The following ACP6 variants were observed in gnomAD, a reference collection of about 807,000 sequenced individuals.
ACP6 encodes the protein acid phosphatase 6, lysophosphatidic.
A neutral mutation model predicts 48.1 loss-of-function variants in ACP6; 48 were observed. That is an observed-to-expected ratio of 1.00 (90% CI 0.79 to 1.27). The LOEUF (loss-of-function observed/expected upper bound fraction) is 1.27. Ranked by LOEUF, ACP6 falls within the 50% of genes most tolerant of loss-of-function variation. The pLI is 0.00. For synonymous variants in ACP6, 172 were observed against 204.2 expected (o/e 0.84, Z 1.34); for missense variants, 485 against 529.1 (o/e 0.92, Z 0.82).
chr1:147,652,718 T>G (rs1660003462), intron 6 of ACP6, 169 bp from the exon 7 acceptor site: 1 of 1,387,170 alleles, frequency 7.2e-7, no homozygotes, highest in Non-Finnish European at 9.9e-7. Flanking sequence ...TCTCTAAAGC[T>G]CTTCCAAAGC....
chr1:147,659,252 C>T, intron 3 of ACP6, 144 bp downstream of exon 3: 1 of 1,237,838 alleles, frequency 8.1e-7, no homozygotes, highest in Non-Finnish European at 1.1e-6. Context: ...TTCACCAGAT[C>T]CTGTGACATA....
At chr1:147,654,903 G>A (rs201275870) in intron 5 of ACP6, among the ~76,000 whole-genome samples, 1 of 152,186 alleles carries the variant, frequency 6.6e-6, no homozygotes, top group East Asian at 1.9e-4. Flanking sequence ...GCCCACTCGT[G>A]GCTGTATGTA....
intron 5 of ACP6, among the ~76,000 whole-genome samples, chr1:147,654,709 G>A (rs782247688): frequency 2.0e-5 from 3 of 152,176 alleles, no homozygotes; most frequent in Non-Finnish European, 2.9e-5. Context: ...AGCCCAAACC[G>A]ATCTATCTTA....
chr1:147,663,916 C>CA (rs1441295306), intron 1 of ACP6, among the ~76,000 whole-genome samples: 152,143 of 152,156 alleles, frequency 1, 76,065 homozygotes, highest in Middle Eastern at 1. Context: ...ACATTGATAA[C>CA]AAAAAAAATT....
At chr1:147,668,441 A>G (rs1204138833) in intron 1 of ACP6, among the ~76,000 whole-genome samples, 1 of 152,006 alleles carries the variant, frequency 6.6e-6, no homozygotes, top group East Asian at 1.9e-4. Context: ...TATATGGTAC[A>G]TACTAGGTCT....
chr1:147,648,156 C>T (rs1659722317), intron 9 of ACP6, 90 bp downstream of exon 9: 2 of 1,474,998 alleles, frequency 1.4e-6, no homozygotes, highest in South Asian at 1.2e-5. Context: ...CTCCACTGGG[C>T]CTGAGGAGGG....
At chr1:147,664,733 G>A (rs587624717) in intron 1 of ACP6, among the ~76,000 whole-genome samples, 209 of 152,244 alleles carry the variant, frequency 1.4e-3, no homozygotes, top group African/African-American at 4.6e-3. Context: ...GGGTGTTCAA[G>A]TTAGTAAAGA....
chr1:147,655,242 A>G lies in ACP6; in HGVS notation c.566T>C (p.Ile189Thr). The G allele has an allele frequency of 6.2e-7, 1 of 1,603,582 alleles. No individual in the cohort carries two copies. Among genetic ancestry groups the G allele is most frequent in the Non-Finnish European group, 8.5e-7 (1 of 1,174,316 alleles). ...ATCTGCTTCATCAGTGTGGATGATG[A>G]TGGGTCCTGGAAGAAAGGGAGGAAG... ...GLFQCQKEGP[I>T]IIHTDEADSE... Residue 189 changes from isoleucine (I) to threonine (T), a missense_variant, in exon 5 of 10, where the codon ATC becomes ACC. Coordinates refer to ENST00000583509, the MANE Select transcript of ACP6 (RefSeq NM_016361.5).
rs1660108301 is a variant in ACP6 at position 147,654,185 on chromosome 1, AG to A, written c.780+8del. ...CTATTATCCCAGGCTCCCCAACCCCAGGACTCACCTGCTCGGCAGCCACGTT... is the reference window on the plus strand; with the variant it reads ...CTATTATCCCAGGCTCCCCAACCCCAGACTCACCTGCTCGGCAGCCACGTT... On this transcript the variant is annotated splice_region_variant and intron_variant, in intron 6 of 9. Coordinates refer to ENST00000583509, the MANE Select transcript of ACP6 (RefSeq NM_016361.5). 5.6e-6 allele frequency: 9 copies of A among 1,613,728 alleles called. No individual in the cohort carries two copies. Among genetic ancestry groups the A allele is most frequent in the Non-Finnish European group, 7.6e-6 (9 of 1,179,878 alleles).
chr1:147,650,070 T>C (rs1381816822), intron 8 of ACP6, 73 bp downstream of exon 8: 1 of 1,329,358 alleles, frequency 7.5e-7, no homozygotes, highest in Non-Finnish European at 1.1e-6. Flanking sequence ...TCACTAAGAT[T>C]TGGGTTCCCT....
intron 5 of ACP6, among the ~76,000 whole-genome samples, chr1:147,633,820 A>G (rs1375823002): frequency 6.6e-6 from 1 of 152,030 alleles, no homozygotes; most frequent in Non-Finnish European, 1.5e-5. Flanking sequence ...CCTGGAGCTC[A>G]TAACTGAGGT....
chr1:147,644,250 T>C lies in ACP6; in HGVS notation c.*3173A>G, dbSNP rs1057224870. 9.2e-5 allele frequency: 14 copies of C among 152,224 alleles called. No homozygotes were observed. Among genetic ancestry groups the C allele is most frequent in the African/African-American group, 2.9e-4 (12 of 41,454 alleles). The allele number at this position is 152,224 out of a possible 1,614,324, so 9.4% of individuals were successfully genotyped here. Reference sequence around the variant, plus strand: ...TTAATCATTCCCTCATGCATACATATATCAAAACATCACATTGTACTCCAT... The same window carrying C: ...TTAATCATTCCCTCATGCATACATACATCAAAACATCACATTGTACTCCAT... On this transcript the variant is annotated 3_prime_UTR_variant, in exon 10 of 10. Transcript: ENST00000583509.
intron 1 of ACP6, among the ~76,000 whole-genome samples, chr1:147,663,454 C>CA (rs1312596775): frequency 2.0e-5 from 3 of 152,118 alleles, no homozygotes; most frequent in African/African-American, 7.2e-5. Context: ...CTTGCTAAGC[C>CA]AGTGTCATCA....
chr1:147,637,269 A>G (rs1659324129), downstream of ACP6, among the ~76,000 whole-genome samples: 1 of 152,172 alleles, frequency 6.6e-6, no homozygotes, highest in Non-Finnish European at 1.5e-5. Context: ...ACCCTCTACA[A>G]TACTTTGCCT....
intron 7 of ACP6, chr1:147,651,623 AG>A (rs1553210571): frequency 6.6e-6 from 1 of 152,182 alleles, no homozygotes. Context: ...GTGGCTTGGC[AG>A]GAACCTTCTA....
chr1:147,650,270 G>C, intron 7 of ACP6, 32 bp from the exon 8 acceptor site: 1 of 1,509,524 alleles, frequency 6.6e-7, no homozygotes, highest in Non-Finnish European at 9.0e-7. Flanking sequence ...TAAGCACCTA[G>C]AGGGCACTCA....
chr1:147,663,291 T>TG (rs587698803), intron 1 of ACP6, among the ~76,000 whole-genome samples: 126 of 11,350 alleles, frequency 0.011, no homozygotes, highest in African/African-American at 0.073. Context: ...TTATCAGAGG[T>TG]GGGGGGGTGC....
chr1:147,652,983 C>T (rs587655748), intron 6 of ACP6, among the ~76,000 whole-genome samples: 14 of 152,414 alleles, frequency 9.2e-5, no homozygotes, highest in East Asian at 5.8e-4. Flanking sequence ...CCCGCCACCA[C>T]GCCCGGCTAA....
Position 147,652,445 on chromosome 1 carries a change from TC to T in ACP6, c.881+3del. The stretch of plus-strand genomic sequence containing the variant: ...ACTTCATGCCAGCAGTGAGAGCCCC[TC>T]ACCTGTCTTCCTTGGGCAGTATGTA... On this transcript the variant is annotated splice_donor_region_variant and intron_variant, in intron 7 of 9. Transcript: ENST00000583509. 1 of 1,610,038 alleles carries T rather than the reference TC, an allele frequency of 6.2e-7. No individual in the cohort carries two copies. The highest frequency in any genetic ancestry group is 8.5e-7 in the Non-Finnish European group (1 of 1,177,924).
Sources: gnomAD v4.1 joint callset for allele counts (sites outside exome capture counted in the v4.1 genomes callset) on GRCh38, gnomAD v4.1.1 for gene constraint, MANE v1.5 for transcripts, NCBI Gene and HGNC (gene_info 2026-07-23, HGNC 2026-07-21) for gene names.